The following RXFP2 variants were observed in gnomAD, a reference collection of about 807,000 sequenced individuals.
RXFP2 encodes the protein relaxin receptor 2.
Under a neutral mutation model 88.6 loss-of-function variants are expected in RXFP2, and 68 were observed. That is an observed-to-expected ratio of 0.77 (90% CI 0.63 to 0.94). The LOEUF (loss-of-function observed/expected upper bound fraction) is 0.94. RXFP2 is among the 40% of genes least tolerant of loss of function. The pLI is 0.00. For missense variants in RXFP2, 791 were observed against 893.9 expected (o/e 0.88, Z 1.47); for synonymous variants, 329 against 306.8 (o/e 1.07, Z -0.76).
chr13:31,743,507 A>T (rs1871293449), intron 1 of RXFP2, among the ~76,000 whole-genome samples: 1 of 151,978 alleles, frequency 6.6e-6, no homozygotes, highest in Non-Finnish European at 1.5e-5. Flanking sequence ...GCGATTGAAA[A>T]TTTAACTTTA....
chr13:31,766,074 T>C (rs756381991), intron 5 of RXFP2, 47 bp downstream of exon 5: 9 of 910,750 alleles, frequency 9.9e-6, no homozygotes, highest in Non-Finnish European at 1.5e-5. Context: ...ATCCTCGTGG[T>C]GGTGTAAGAT....
chr13:31,763,896 A>G (rs993251052), intron 3 of RXFP2, among the ~76,000 whole-genome samples: 3 of 152,246 alleles, frequency 2.0e-5, no homozygotes, highest in Admixed American at 6.5e-5. Context: ...GCTAATTAAC[A>G]TATATGTATA....
chr13:31,802,649 T>A lies in RXFP2; in HGVS notation c.*244T>A. On this transcript the variant is annotated 3_prime_UTR_variant, in exon 18 of 18. Transcript: ENST00000298386. ...CCTGAAAAGCACATGTGAATTCGTG[T>A]ATAGTGGGCTGAGGTGCAGCTGATC... 3.9e-6 allele frequency: 2 copies of A among 510,300 alleles called. No individual in the cohort carries two copies. Among genetic ancestry groups the A allele is most frequent in the Non-Finnish European group, 7.1e-6 (2 of 280,532 alleles). 31.6% of individuals were successfully genotyped at this position (510,300 alleles called of 1,614,324 possible). A position where few individuals can be genotyped will look rare whatever the true frequency, so the allele number is the denominator to read the frequency against.
At chr13:31,763,693 G>C (rs1308294126) in intron 3 of RXFP2, among the ~76,000 whole-genome samples, 1 of 152,192 alleles carries the variant, frequency 6.6e-6, no homozygotes, top group Non-Finnish European at 1.5e-5. Flanking sequence ...GTTTGCAGGT[G>C]ATGGAGGGTG....
intron 11 of RXFP2, 128 bp downstream of exon 11, chr13:31,782,875 A>G (rs1239105959): frequency 4.4e-6 from 3 of 676,886 alleles, no homozygotes; most frequent in Non-Finnish European, 7.9e-6. Flanking sequence ...TTAAAAATCA[A>G]TTAAGAAAAC....
chr13:31,760,732 G>C (rs7325059), intron 2 of RXFP2, among the ~76,000 whole-genome samples: 1 of 151,582 alleles, frequency 6.6e-6, no homozygotes, highest in African/African-American at 2.4e-5. Flanking sequence ...TATTTTAATT[G>C]ATTTAGGTAT....
intron 1 of RXFP2, among the ~76,000 whole-genome samples, chr13:31,750,763 C>T (rs1390391716): frequency 6.6e-6 from 1 of 152,144 alleles, no homozygotes; most frequent in Non-Finnish European, 1.5e-5. Context: ...GACAGTGATT[C>T]TGGTGAGAAG....
rs1873348630 is a variant in RXFP2 at position 31,782,763 on chromosome 13, T to C, written c.929+16T>C. On this transcript the variant is annotated intron_variant, in intron 11 of 17. Coordinates refer to ENST00000298386, the MANE Select transcript of RXFP2 (RefSeq NM_130806.5). ...TAGGAGAACTGTAAGTAGCATCGTC[T>C]ACTAGGAAAATATGATTGCTTCTTC... The C allele has an allele frequency of 6.8e-7, 1 of 1,479,572 alleles. No individual in the cohort carries two copies. Among genetic ancestry groups the C allele is most frequent in the South Asian group, 1.1e-5 (1 of 88,118 alleles). The allele number at this position is 1,479,572 out of a possible 1,614,324, so 91.7% of individuals were successfully genotyped here. A position where few individuals can be genotyped will look rare whatever the true frequency, so the allele number is the denominator to read the frequency against.
rs545198324 is a variant in RXFP2 at position 31,777,098 on chromosome 13, G to A, written c.642-278G>A. On this transcript the variant is annotated intron_variant, in intron 7 of 17. Coordinates refer to ENST00000298386, the MANE Select transcript of RXFP2 (RefSeq NM_130806.5). ...TTGTGCCAGACCCAGGTACCCAGAG[G>A]TGACAGATACAACCTGGGTCTTTAA... Among the ~76,000 whole-genome samples the A allele has an allele frequency of 7.2e-5, 11 of 152,260 alleles. No homozygotes were observed. In the South Asian group the frequency reaches 2.1e-3, roughly 29 times the overall value.
In RXFP2 at chr13:31,777,452, G is replaced by A; in HGVS notation, c.713+5G>A. The A allele has an allele frequency of 1.3e-6, 2 of 1,593,554 alleles. No individual in the cohort carries two copies. The highest frequency in any genetic ancestry group is 1.7e-6 in the Non-Finnish European group (2 of 1,162,616). ...ATTAAATTCCTTGTTTTTCCTGTAA[G>A]TATTCATCAACCTTTCAATACATCT... On this transcript the variant is annotated splice_donor_5th_base_variant and intron_variant, in intron 8 of 17. Coordinates refer to ENST00000298386, the MANE Select transcript of RXFP2 (RefSeq NM_130806.5).
chr13:31,789,251 T>A (rs1261635273), intron 14 of RXFP2, 58 bp downstream of exon 14: 1 of 1,066,042 alleles, frequency 9.4e-7, no homozygotes, highest in Non-Finnish European at 1.5e-6. Context: ...AATTATCTCC[T>A]GTAAACTGTC....
chr13:31,754,630 C>G lies in RXFP2; in HGVS notation c.95-3628C>G, dbSNP rs552256496. 5.3e-5 allele frequency among the ~76,000 whole-genome samples: 8 copies of G among 152,304 alleles called. No homozygotes were observed. The South Asian group carries it at 1.7e-3, about 32-fold the overall frequency. ...AAAGATCCTATTCACATTGCCTCACCTCTCTATTTCAAAATTCTCTTTAAT... is the reference window on the plus strand; with the variant it reads ...AAAGATCCTATTCACATTGCCTCACGTCTCTATTTCAAAATTCTCTTTAAT... On this transcript the variant is annotated intron_variant, in intron 1 of 17. Transcript: ENST00000298386.
intron 1 of RXFP2, among the ~76,000 whole-genome samples, chr13:31,751,480 T>C (rs1871669898): frequency 6.6e-6 from 1 of 152,158 alleles, no homozygotes; most frequent in Non-Finnish European, 1.5e-5. Context: ...GGTCTAGTCC[T>C]GTGCAGTTTC....
At position 31,792,020 on chromosome 13, in the gene RXFP2, A is replaced by G; in HGVS notation, c.1360A>G (p.Ile454Val). ...TGAAAATACAACTCACGCTATGTCC[A>G]TCAAAATCCTTTGTTGTAAGTATGT... Reference protein sequence around the residue: ...KAENTTHAMSIKILCCADCLM... With the variant: ...KAENTTHAMSVKILCCADCLM... The change falls in exon 15 of 18, where the codon ATC becomes GTC. Residue 454 changes from isoleucine to valine, a missense_variant. Physicochemically the swap from Ile to Val is conservative, Grantham distance 29 (BLOSUM62 3). Transcript: ENST00000298386. 6.2e-7 allele frequency: 1 copy of G among 1,611,904 alleles called. No homozygotes were observed.
chr13:31,792,844 C>T lies in RXFP2; in HGVS notation c.1542C>T (p.Thr514=), dbSNP rs149087967. The stretch of plus-strand genomic sequence containing the variant: ...CCGAAGTCTCTGTTCTGCTACTGAC[C>T]TACTTGACTTTGGAGAAGTTCCTGG... ...LSTEVSVLLL[T]YLTLEKFLVI... The change falls in exon 16 of 18, where the codon ACC becomes ACT. Residue 514 remains threonine (T), a synonymous_variant. Transcript: ENST00000298386. The T allele has an allele frequency of 1.5e-5, 25 of 1,614,062 alleles. No homozygotes were observed. In the Admixed American group the frequency reaches 4.2e-4, roughly 27 times the overall value.
intron 5 of RXFP2, among the ~76,000 whole-genome samples, chr13:31,773,952 T>A (rs1313043751): frequency 1.3e-5 from 2 of 152,220 alleles, no homozygotes; most frequent in Admixed American, 6.5e-5. Context: ...CTTCCCATTG[T>A]ACAATGAAGA....
chr13:31,763,324 G>A (rs7327825), intron 3 of RXFP2, among the ~76,000 whole-genome samples: 143,281 of 152,090 alleles, frequency 0.94, 67,997 homozygotes, highest in Non-Finnish European at 1. Context: ...GGCTCAAGCA[G>A]TCCACCCATC....
Position 31,772,385 on chromosome 13 carries a change from C to T in RXFP2, c.498-2235C>T, listed in dbSNP as rs532504608. Among the ~76,000 whole-genome samples, 10 of 152,204 alleles carry T rather than the reference C, an allele frequency of 6.6e-5. No homozygotes were observed. The South Asian group carries it at 1.5e-3, about 22-fold the overall frequency. On this transcript the variant is annotated intron_variant, in intron 5 of 17. Transcript: ENST00000298386. ...TTAAAGCATTTATTTGCTTTAGTTT[C>T]GGGTACATAAATTCCTGGCATTTCT...
At chr13:31,784,471 C>G (rs147504345) in intron 11 of RXFP2, among the ~76,000 whole-genome samples, 87 of 152,282 alleles carry the variant, frequency 5.7e-4, no homozygotes, top group African/African-American at 2.0e-3. Context: ...GTCCTTTCCT[C>G]CAAAAGAGTG....
Sources: gnomAD v4.1 joint callset for allele counts (sites outside exome capture counted in the v4.1 genomes callset) on GRCh38, gnomAD v4.1.1 for gene constraint, MANE v1.5 for transcripts, NCBI Gene and HGNC (gene_info 2026-07-23, HGNC 2026-07-21) for gene names.